Variants in ARHGAP44 observed in about 807,000 individuals in gnomAD.
ARHGAP44 encodes Rho GTPase activating protein 44.
Under a neutral mutation model 106.8 loss-of-function variants are expected in ARHGAP44, and 43 were observed. That is an observed-to-expected ratio of 0.40 (90% CI 0.32 to 0.52). The LOEUF is 0.52. ARHGAP44 is among the 20% of genes least tolerant of loss of function. ARHGAP44 has a pLI of 0.48. For synonymous variants in ARHGAP44, 439 were observed against 410.3 expected (o/e 1.07, Z -0.85); for missense variants, 866 against 1,050.5 (o/e 0.82, Z 2.43).
At chr17:12,899,664 G>A (rs1175234850) in intron 3 of ARHGAP44, among the ~76,000 whole-genome samples, 9 of 141,002 alleles carry the variant, frequency 6.4e-5, no homozygotes, top group Non-Finnish European at 9.2e-5. Context: ...GGAATTGAAT[G>A]TTAAGGGAGG....
intron 1 of ARHGAP44, among the ~76,000 whole-genome samples, chr17:12,855,767 G>A (rs533007989): frequency 6.6e-6 from 1 of 152,276 alleles, no homozygotes; most frequent in African/African-American, 2.4e-5. Flanking sequence ...TTGAAGATTT[G>A]AGAAACACTT....
chr17:12,911,355 C>T (rs2150943447), intron 4 of ARHGAP44, among the ~76,000 whole-genome samples: 1 of 151,820 alleles, frequency 6.6e-6, no homozygotes, highest in Middle Eastern at 3.4e-3. Flanking sequence ...GACATAAACC[C>T]ACAATGGCAG....
chr17:12,852,806 G>C (rs1300150032), intron 1 of ARHGAP44, among the ~76,000 whole-genome samples: 3 of 152,186 alleles, frequency 2.0e-5, no homozygotes, highest in Admixed American at 2.0e-4. Context: ...TTCCCAAAGT[G>C]CTGGGATTAC....
rs2039595662 is a variant in ARHGAP44, at chr17:12,973,926, G to A, written c.1542-163G>A. ...TGTCTTGGCCGCCGGGAGCAGCCAG[G>A]GTGCTGGGAGCACAGCCCCCAATGC... On this transcript the variant is annotated intron_variant, in intron 17 of 20. Transcript: ENST00000379672. The A allele has an allele frequency of 9.3e-6, 7 of 755,750 alleles. No individual in the cohort carries two copies. The South Asian group carries it at 1.0e-4, about 11-fold the overall frequency. The allele number at this position is 755,750 out of a possible 1,614,324, so 46.8% of individuals were successfully genotyped here. A position where few individuals can be genotyped will look rare whatever the true frequency, so the allele number is the denominator to read the frequency against.
At chr17:12,941,290 C>T (rs1225063411) in intron 8 of ARHGAP44, among the ~76,000 whole-genome samples, 166 bp downstream of exon 8, 1 of 152,054 alleles carries the variant, frequency 6.6e-6, no homozygotes, top group African/African-American at 2.4e-5. Flanking sequence ...TGGATTTCTC[C>T]AAAAACCTTA....
intron 1 of ARHGAP44, 86 bp from the exon 2 acceptor site, chr17:12,894,854 A>T: frequency 8.3e-7 from 1 of 1,211,584 alleles, no homozygotes; most frequent in South Asian, 1.4e-5. Context: ...TTTTTCTGGT[A>T]TTGCCTTAAT....
rs1189883531 is a variant in ARHGAP44, at chr17:12,991,130, T to G, written c.*959T>G. The G allele has an allele frequency of 1.3e-5, 2 of 152,636 alleles. No individual in the cohort carries two copies. Among genetic ancestry groups the G allele is most frequent in the Non-Finnish European group, 1.5e-5 (1 of 68,044 alleles). 9.5% of individuals were successfully genotyped at this position (152,636 alleles called of 1,614,324 possible). On this transcript the variant is annotated 3_prime_UTR_variant, in exon 21 of 21. Transcript: ENST00000379672. ...GCTCGGCCTGCGGTGTGGCCTGCTT[T>G]GCTCACCAGCGTCAGCCGCTCATTT...
chr17:12,944,652 AT>A lies in ARHGAP44; in HGVS notation c.861+474del, dbSNP rs5819393. 2.2e-3 allele frequency among the ~76,000 whole-genome samples: 299 copies of A among 137,436 alleles called. 1 individual carries two copies. The highest frequency in any genetic ancestry group is 4.7e-3 in the African/African-American group (173 of 37,100). 90.2% of individuals were successfully genotyped at this position (137,436 alleles called of 152,430 possible). Reference sequence around the variant, plus strand: ...AGGCGTGTGCCACCACGCCCAGCTAATTTTTTTTTTTTTTTTTTAGTAGCAA... The same window carrying A: ...AGGCGTGTGCCACCACGCCCAGCTAATTTTTTTTTTTTTTTTTAGTAGCAA... On this transcript the variant is annotated intron_variant, in intron 10 of 20. Transcript: ENST00000379672.
intron 20 of ARHGAP44, chr17:12,985,177 G>A (rs367592912): frequency 2.2e-5 from 9 of 418,046 alleles, no homozygotes; most frequent in East Asian, 4.0e-5. Flanking sequence ...TCTTATTATC[G>A]GGGGTTGAAG....
At chr17:12,817,734 A>G (rs1752826361) in intron 1 of ARHGAP44, among the ~76,000 whole-genome samples, 1 of 152,066 alleles carries the variant, frequency 6.6e-6, no homozygotes, top group Admixed American at 6.5e-5. Context: ...AAAAAGTATC[A>G]CACACCATTT....
chr17:12,938,582 TAAA>T (rs67037408), intron 7 of ARHGAP44, among the ~76,000 whole-genome samples: 3 of 126,998 alleles, frequency 2.4e-5, no homozygotes, highest in Admixed American at 8.0e-5. Flanking sequence ...AGCTATATAT[TAAA>T]AAAAAAAAAA....
chr17:12,970,376 AAAAAAAAAAAAAG>A (rs2039496949), intron 16 of ARHGAP44, among the ~76,000 whole-genome samples: 2 of 141,338 alleles, frequency 1.4e-5, no homozygotes, highest in Non-Finnish European at 3.1e-5. Flanking sequence ...AAAAAAAAAA[AAAAAAAAAAAAAG>A]AAAAAGAAGA....
chr17:12,928,634 A>T (rs1001910039), intron 6 of ARHGAP44, among the ~76,000 whole-genome samples: 1 of 152,202 alleles, frequency 6.6e-6, no homozygotes, highest in Non-Finnish European at 1.5e-5. Context: ...AGCAGTAGTG[A>T]TTGCCATTTG....
intron 5 of ARHGAP44, among the ~76,000 whole-genome samples, chr17:12,916,340 G>A (rs1250282494): frequency 2.6e-5 from 4 of 151,328 alleles, no homozygotes. Flanking sequence ...GCTGTGAACA[G>A]CAGCCACTCC....
At chr17:12,985,812 A>C (rs1213915134) in intron 20 of ARHGAP44, 1 of 152,226 alleles carries the variant, frequency 6.6e-6, no homozygotes, top group Non-Finnish European at 1.5e-5. Context: ...CATGGCGGTG[A>C]GCTGGAGCAT....
chr17:12,984,415 G>T, intron 19 of ARHGAP44, 116 bp from the exon 20 acceptor site: 1 of 1,161,990 alleles, frequency 8.6e-7, no homozygotes, highest in Non-Finnish European at 1.1e-6. Context: ...TGGGTGGGTG[G>T]CGAGGGGCAG....
At chr17:12,951,087 G>A (rs547181954) in intron 12 of ARHGAP44, among the ~76,000 whole-genome samples, 4 of 152,146 alleles carry the variant, frequency 2.6e-5, no homozygotes, top group Non-Finnish European at 4.4e-5. Flanking sequence ...ACTTCAAAAG[G>A]CTGGCTGAAT....
Position 12,984,595 on chromosome 17 carries a change from C to G in ARHGAP44, c.2004C>G (p.Asp668Glu). Residue 668 changes from aspartate to glutamate, a missense_variant, in exon 20 of 21, where the codon GAC becomes GAG. Physicochemically the swap from Asp to Glu is conservative, Grantham distance 45. This residue lies in a region of ARHGAP44 where 418 missense variants were observed against 403.6 expected (regional missense o/e 1.04). Transcript: ENST00000379672. ...TTGGCCAGCCGGGGGCTATGGCAGACCAGTCCGCTGGCCAGCCGTCCCCAG... is the reference window on the plus strand; with the variant it reads ...TTGGCCAGCCGGGGGCTATGGCAGAGCAGTCCGCTGGCCAGCCGTCCCCAG... The part of the protein sequence containing the change: ...VPFGQPGAMA[D>E]QSAGQPSPVS... 1 of 1,604,138 alleles carries G rather than the reference C, an allele frequency of 6.2e-7. No homozygotes were observed. Among genetic ancestry groups the G allele is most frequent in the Non-Finnish European group, 8.5e-7 (1 of 1,175,850 alleles).
At chr17:12,976,084 G>A (rs945526714) in intron 18 of ARHGAP44, among the ~76,000 whole-genome samples, 6 of 152,118 alleles carry the variant, frequency 3.9e-5, no homozygotes, top group Admixed American at 2.6e-4. Context: ...ACATGCCACC[G>A]TGTCTCCTGT....
Sources: gnomAD v4.1 joint callset for allele counts (sites outside exome capture counted in the v4.1 genomes callset) on GRCh38, gnomAD v4.1.1 for gene constraint, gnomAD v4.1.1 regional missense constraint, MANE v1.5 for transcripts, NCBI Gene and HGNC (gene_info 2026-07-23, HGNC 2026-07-21) for gene names.